Variants in RSPO2 observed in about 807,000 individuals in gnomAD.
The protein encoded by RSPO2 is R-spondin-2.
A neutral mutation model predicts 30.9 loss-of-function variants in RSPO2; 14 were observed. The ratio of observed to expected loss-of-function variants is 0.45; its 90% CI spans 0.30 to 0.71. The LOEUF is 0.71. Ranked by LOEUF, RSPO2 falls within the 30% of genes least tolerant of loss-of-function variation. RSPO2 has a pLI of 0.08. For synonymous variants in RSPO2, 107 were observed against 96.4 expected (o/e 1.11, Z -0.64); for missense variants, 264 against 301.9 (o/e 0.87, Z 0.93).
chr8:107,903,881 T>A (rs145742768), intron 5 of RSPO2, among the ~76,000 whole-genome samples: 1 of 152,184 alleles, frequency 6.6e-6, no homozygotes, highest in East Asian at 1.9e-4. Flanking sequence ...AGGCCTAAAT[T>A]AACTGAAAAT....
intron 5 of RSPO2, among the ~76,000 whole-genome samples, chr8:107,922,101 A>T (rs1812193265): frequency 6.6e-6 from 1 of 152,086 alleles, no homozygotes; most frequent in African/African-American, 2.4e-5. Flanking sequence ...TCCTGGCCAG[A>T]ACAACCAGGC....
intron 5 of RSPO2, among the ~76,000 whole-genome samples, chr8:107,927,901 T>C (rs1195071952): frequency 6.6e-6 from 1 of 152,152 alleles, no homozygotes. Flanking sequence ...CTAAGGTTTA[T>C]ATAATGGAGA....
chr8:107,963,522 CAAAAAA>C (rs61697128), intron 3 of RSPO2, among the ~76,000 whole-genome samples: 152 of 32,012 alleles, frequency 4.7e-3, no homozygotes, highest in Middle Eastern at 0.031. Flanking sequence ...AGACCTGTCT[CAAAAAA>C]AAAAAAAAAA....
At chr8:107,993,684 T>C (rs1814924999) in intron 2 of RSPO2, among the ~76,000 whole-genome samples, 2 of 152,096 alleles carry the variant, frequency 1.3e-5, no homozygotes, top group Admixed American at 1.3e-4. Flanking sequence ...ACAACAGGAA[T>C]TTATTATCAC....
At chr8:107,943,424 T>G (rs1357281599) in intron 5 of RSPO2, among the ~76,000 whole-genome samples, 1 of 152,220 alleles carries the variant, frequency 6.6e-6, no homozygotes, top group African/African-American at 2.4e-5. Flanking sequence ...CTTGAACTCC[T>G]TTGAGCAAGT....
chr8:107,998,281 T>G (rs972206992), intron 2 of RSPO2, among the ~76,000 whole-genome samples: 12 of 151,932 alleles, frequency 7.9e-5, no homozygotes, highest in African/African-American at 2.9e-4. Context: ...GGAACTTGCA[T>G]GTCGGATGCT....
intron 2 of RSPO2, among the ~76,000 whole-genome samples, chr8:108,054,417 A>T (rs534409397): frequency 1.3e-5 from 2 of 152,176 alleles, no homozygotes; most frequent in African/African-American, 4.8e-5. Context: ...ACACACAAAG[A>T]GTGAGAGACT....
intron 2 of RSPO2, among the ~76,000 whole-genome samples, chr8:107,999,572 CT>C (rs1815157903): frequency 6.6e-6 from 1 of 151,992 alleles, no homozygotes; most frequent in Non-Finnish European, 1.5e-5. Flanking sequence ...GTAGTTGGGA[CT>C]ACAGGCTTGT....
intron 2 of RSPO2, among the ~76,000 whole-genome samples, chr8:108,064,861 ATG>A (rs1812607799): frequency 6.6e-6 from 1 of 152,180 alleles, no homozygotes; most frequent in South Asian, 2.1e-4. Flanking sequence ...GGATGAGTAC[ATG>A]TCCTTTGTAG....
At chr8:107,943,093 G>C (rs1352028176) in intron 5 of RSPO2, among the ~76,000 whole-genome samples, 2 of 152,208 alleles carry the variant, frequency 1.3e-5, no homozygotes, top group Non-Finnish European at 2.9e-5. Flanking sequence ...AAAGTGGAGA[G>C]ACAATGAAAA....
chr8:108,008,129 C>T (rs1290745645), intron 2 of RSPO2, among the ~76,000 whole-genome samples: 8 of 152,128 alleles, frequency 5.3e-5, no homozygotes, highest in South Asian at 2.1e-4. Context: ...ATCAGTTCAT[C>T]GCCTTGGTAT....
At chr8:107,908,335 G>A (rs1419428671) in intron 5 of RSPO2, among the ~76,000 whole-genome samples, 2 of 152,144 alleles carry the variant, frequency 1.3e-5, no homozygotes, top group Non-Finnish European at 2.9e-5. Context: ...AAAACAGTTT[G>A]AAGACAGGAT....
intron 2 of RSPO2, among the ~76,000 whole-genome samples, chr8:108,080,729 A>C (rs1813168255): frequency 6.6e-6 from 1 of 152,222 alleles, no homozygotes; most frequent in South Asian, 2.1e-4. Context: ...GGCAGGGTGG[A>C]TCAGAAAGCC....
chr8:108,000,381 A>T (rs779808751), intron 2 of RSPO2, among the ~76,000 whole-genome samples: 4 of 152,180 alleles, frequency 2.6e-5, no homozygotes, highest in African/African-American at 7.2e-5. Flanking sequence ...CCCAAAACAT[A>T]AGCAGCACAT....
chr8:107,928,964 T>C (rs1182401529), intron 5 of RSPO2, among the ~76,000 whole-genome samples: 1 of 152,154 alleles, frequency 6.6e-6, no homozygotes, highest in Non-Finnish European at 1.5e-5. Context: ...TAGATTTTCT[T>C]AGCCTTCCTT....
chr8:107,996,547 G>C (rs1471211538), intron 2 of RSPO2, among the ~76,000 whole-genome samples: 1 of 152,158 alleles, frequency 6.6e-6, no homozygotes, highest in Non-Finnish European at 1.5e-5. Flanking sequence ...GATTCTGGAA[G>C]GTTTACAAGT....
chr8:108,062,937 A>G (rs2130707941), intron 2 of RSPO2, among the ~76,000 whole-genome samples: 1 of 152,046 alleles, frequency 6.6e-6, no homozygotes, highest in Non-Finnish European at 1.5e-5. Flanking sequence ...AAACCACATC[A>G]TTATCTCAAT....
At chr8:108,025,220 A>C (rs1333121409) in intron 2 of RSPO2, among the ~76,000 whole-genome samples, 1 of 152,224 alleles carries the variant, frequency 6.6e-6, no homozygotes, top group African/African-American at 2.4e-5. Flanking sequence ...CAGCAACCAG[A>C]TTTTGTTTTC....
intron 5 of RSPO2, among the ~76,000 whole-genome samples, chr8:107,935,341 G>C (rs1812686294): frequency 6.6e-6 from 1 of 151,990 alleles, no homozygotes; most frequent in African/African-American, 2.4e-5. Context: ...TATGAGATAA[G>C]AATAAAATGG....
Sources: gnomAD v4.1 joint callset for allele counts (sites outside exome capture counted in the v4.1 genomes callset) on GRCh38, gnomAD v4.1.1 for gene constraint, MANE v1.5 for transcripts, NCBI Gene and HGNC (gene_info 2026-07-23, HGNC 2026-07-21) for gene names.